PRMT8: variants seen among roughly 807,000 people sequenced by gnomAD.
PRMT8 encodes protein arginine N-methyltransferase 8.
In PRMT8, 7 loss-of-function variants were observed where a neutral mutation model predicts 47.1. The ratio of observed to expected loss-of-function variants is 0.15; its 90% CI spans 0.08 to 0.28. The LOEUF (loss-of-function observed/expected upper bound fraction) is 0.28. Ranked by LOEUF, PRMT8 falls within the 10% of genes least tolerant of loss-of-function variation. The pLI is 1.00. For synonymous variants in PRMT8, 188 were observed against 186.5 expected, an observed-to-expected ratio of 1.01 and a Z score of -0.07; for missense variants, 237 against 505.4, an observed-to-expected ratio of 0.47 and a Z score of 5.09.
intron 6 of PRMT8, chr12:3,573,854 C>A (rs370645461): frequency 7.2e-5 from 11 of 152,160 alleles, no homozygotes; most frequent in Admixed American, 5.2e-4. Flanking sequence ...CCCACATACA[C>A]TTATTTGGCA....
At chr12:3,571,672 G>C (rs938793283) in intron 6 of PRMT8, among the ~76,000 whole-genome samples, 1 of 151,892 alleles carries the variant, frequency 6.6e-6, no homozygotes, top group Non-Finnish European at 1.5e-5. Context: ...GCTTGTTCTA[G>C]AGTCTCTGAA....
At chr12:3,592,000 G>A (rs570150236) in intron 8 of PRMT8, among the ~76,000 whole-genome samples, 1 of 152,242 alleles carries the variant, frequency 6.6e-6, no homozygotes, top group East Asian at 1.9e-4. Flanking sequence ...GCACTGAGGA[G>A]ATGGGGATGT....
intron 2 of PRMT8, among the ~76,000 whole-genome samples, chr12:3,543,057 C>T (rs998275843): frequency 2.0e-5 from 3 of 152,178 alleles, no homozygotes; most frequent in East Asian, 1.9e-4. Context: ...AAACATAGTG[C>T]GGGCTGAGCA....
At position 3,553,695 on chromosome 12, in the gene PRMT8, G is replaced by A. The variant is rs267603447; in HGVS notation, c.462G>A (p.Lys154=). ...SISDYSEKII[K]ANHLDNIITI... is the part of the protein sequence containing the mutation. ...CTGACTACTCAGAGAAGATCATTAA[G>A]GCCAACCACTTGGACAACAGTAAGA... is the stretch of plus-strand genomic sequence containing the variant. The change falls in exon 4 of 10, where the codon AAG becomes AAA. Residue 154 remains lysine (K), a synonymous_variant. Transcript: ENST00000382622. 1 of 1,602,814 alleles carries A rather than the reference G, an allele frequency of 6.2e-7. No individual in the cohort carries two copies. The highest frequency in any genetic ancestry group is 8.5e-7 in the Non-Finnish European group (1 of 1,169,736).
chr12:3,388,173 C>T (rs1325221451), intron 1 of PRMT8, among the ~76,000 whole-genome samples: 1 of 151,788 alleles, frequency 6.6e-6, no homozygotes, highest in Non-Finnish European at 1.5e-5. Context: ...ATTAGAATCA[C>T]TTCCCAGCCT....
At chr12:3,568,962 G>T in intron 5 of PRMT8, 114 bp downstream of exon 5, 1 of 1,398,132 alleles carries the variant, frequency 7.2e-7, no homozygotes. Context: ...AGGCCAGGAG[G>T]TCACTGCCCC....
intron 1 of PRMT8, among the ~76,000 whole-genome samples, chr12:3,384,179 C>T (rs999347329): frequency 6.6e-6 from 1 of 151,960 alleles, no homozygotes; most frequent in Non-Finnish European, 1.5e-5. Flanking sequence ...CAGTATTTCA[C>T]CATTAAGTAT....
Position 3,426,627 on chromosome 12 carries a change from G to A in PRMT8, c.48+45185G>A, listed in dbSNP as rs538102858. 5.9e-5 allele frequency among the ~76,000 whole-genome samples: 9 copies of A among 152,236 alleles called. No homozygotes were observed. The South Asian group carries it at 8.3e-4, about 14-fold the overall frequency. ...GGATATAACAAGGCAAGCATTAAAT[G>A]CAATAGTTTGAGGCGAAATTGACTT... On this transcript the variant is annotated intron_variant, in intron 1 of 9. Coordinates refer to the PRMT8 transcript ENST00000452611.
intron 4 of PRMT8, among the ~76,000 whole-genome samples, chr12:3,567,863 C>T (rs1361734497): frequency 2.0e-5 from 3 of 152,074 alleles, no homozygotes; most frequent in Non-Finnish European, 4.4e-5. Context: ...CACCTGAGGT[C>T]AGGAGTTTGA....
At chr12:3,546,185 G>A (rs369051539) in intron 2 of PRMT8, among the ~76,000 whole-genome samples, 3 of 152,122 alleles carry the variant, frequency 2.0e-5, no homozygotes, top group Non-Finnish European at 2.9e-5. Flanking sequence ...ATTTGGAGAC[G>A]GAAATTCAAG....
intron 1 of PRMT8, among the ~76,000 whole-genome samples, chr12:3,539,532 C>G (rs903153522): frequency 6.6e-6 from 1 of 152,134 alleles, no homozygotes; most frequent in African/African-American, 2.4e-5. Flanking sequence ...TTCAGCCCTG[C>G]TTTGAGGCCT....
In PRMT8 at chr12:3,538,394, G is replaced by A. The variant is rs576668074; in HGVS notation, c.76-2212G>A. 277 of 314,962 alleles carry A rather than the reference G, an allele frequency of 8.8e-4. No individual in the cohort carries two copies. The highest frequency in any genetic ancestry group is 1.4e-3 in the Non-Finnish European group (227 of 158,048). The allele number at this position is 314,962 out of a possible 1,614,324, so 19.5% of individuals were successfully genotyped here. ...ACCTGCACGCTGCCTTGCTGTTGGAGATCTGTGCAGTAGGCAGTTGTGGAA... is the reference window on the plus strand; with the variant it reads ...ACCTGCACGCTGCCTTGCTGTTGGAAATCTGTGCAGTAGGCAGTTGTGGAA... On this transcript the variant is annotated intron_variant, in intron 1 of 9. Coordinates refer to ENST00000382622, the MANE Select transcript of PRMT8 (RefSeq NM_019854.5). The surrounding 1 kb of genome is among the most constrained non-coding windows in gnomAD (Gnocchi z 4.6).
chr12:3,506,869 A>G (rs1865634796), intron 1 of PRMT8, among the ~76,000 whole-genome samples: 1 of 152,052 alleles, frequency 6.6e-6, no homozygotes, highest in South Asian at 2.1e-4. Flanking sequence ...AGGCATGGAT[A>G]GGAGGTAGGA....
chr12:3,460,768 G>C (rs923943734), intron 1 of PRMT8, among the ~76,000 whole-genome samples: 3 of 152,198 alleles, frequency 2.0e-5, no homozygotes, highest in Admixed American at 2.0e-4. Context: ...CAGAGCCCAA[G>C]CTTGTCACCA....
chr12:3,488,312 C>T (rs1400895474), upstream of PRMT8, among the ~76,000 whole-genome samples: 1 of 152,108 alleles, frequency 6.6e-6, no homozygotes, highest in East Asian at 1.9e-4. Context: ...TATTTGTGCA[C>T]TTGCCATGAG....
chr12:3,495,735 A>G (rs1249588343), intron 1 of PRMT8, among the ~76,000 whole-genome samples: 2 of 152,184 alleles, frequency 1.3e-5, no homozygotes, highest in African/African-American at 2.4e-5. Context: ...GAATTGATGT[A>G]TGTGATTGTG....
intron 1 of PRMT8, among the ~76,000 whole-genome samples, chr12:3,458,479 G>A (rs1284627613): frequency 6.6e-6 from 1 of 152,168 alleles, no homozygotes; most frequent in African/African-American, 2.4e-5. Context: ...GCCTGCCAGG[G>A]CCACGCACCA....
chr12:3,400,571 A>G (rs570679267), intron 1 of PRMT8, among the ~76,000 whole-genome samples: 12 of 152,326 alleles, frequency 7.9e-5, no homozygotes, highest in African/African-American at 2.9e-4. Flanking sequence ...GCTGAATTCT[A>G]CCAGAGGTAC....
chr12:3,387,613 T>A (rs1864154690), intron 1 of PRMT8, among the ~76,000 whole-genome samples: 1 of 152,214 alleles, frequency 6.6e-6, no homozygotes, highest in African/African-American at 2.4e-5. Flanking sequence ...CACCAGAATA[T>A]CCTATTAACT....
Sources: allele counts gnomAD v4.1 joint callset (sites outside exome capture counted in the v4.1 genomes callset), GRCh38; gene constraint gnomAD v4.1.1; non-coding constraint Gnocchi (gnomAD v3.1); transcripts MANE v1.5; gene names NCBI Gene and HGNC (gene_info 2026-07-23, HGNC 2026-07-21).